Variants in KLHDC10 observed in about 807,000 individuals in gnomAD.
The protein encoded by KLHDC10 is kelch domain containing 10.
Under a neutral mutation model 56.1 loss-of-function variants are expected in KLHDC10, and 24 were observed. The observed-to-expected ratio is 0.43, with a 90% CI of 0.31 to 0.60. KLHDC10 has a LOEUF of 0.60. Among genes scored for constraint, KLHDC10 ranks in the 20% least tolerant of loss-of-function variants. The pLI is 0.11. For missense variants in KLHDC10, 349 were observed against 567.0 expected, an observed-to-expected ratio of 0.62 and a Z score of 3.91; for synonymous variants, 188 against 207.1, an observed-to-expected ratio of 0.91 and a Z score of 0.79.
intron 1 of KLHDC10, among the ~76,000 whole-genome samples, chr7:130,080,013 T>G: frequency 6.6e-6 from 1 of 151,654 alleles, no homozygotes; most frequent in Non-Finnish European, 1.5e-5. Context: ...GCAATCATAG[T>G]TCACTGCAGC....
At chr7:130,114,553 G>A (rs1253508259) in intron 2 of KLHDC10, among the ~76,000 whole-genome samples, 2 of 152,102 alleles carry the variant, frequency 1.3e-5, no homozygotes, top group Non-Finnish European at 2.9e-5. Flanking sequence ...ACATTTATAG[G>A]AGCTCTTATT....
chr7:130,070,602 C>T lies in KLHDC10; in HGVS notation c.-42C>T, dbSNP rs1795391006. The T allele has an allele frequency of 2.3e-6, 3 of 1,296,294 alleles. No individual in the cohort carries two copies. The highest frequency in any genetic ancestry group is 3.6e-5 in the Admixed American group (1 of 27,564). 80.3% of individuals were successfully genotyped at this position (1,296,294 alleles called of 1,614,324 possible). On this transcript the variant is annotated 5_prime_UTR_variant, in exon 1 of 10. Coordinates refer to ENST00000335420, the MANE Select transcript of KLHDC10 (RefSeq NM_014997.4). The stretch of plus-strand genomic sequence containing the variant: ...GGAGGCTCCGCTGGTTCCGCTGGGT[C>T]AGGCGCTGACGGGACCGGGCTGCGG...
At chr7:130,110,140 G>A (rs1343800016) in intron 2 of KLHDC10, among the ~76,000 whole-genome samples, 1 of 152,116 alleles carries the variant, frequency 6.6e-6, no homozygotes, top group Non-Finnish European at 1.5e-5. Flanking sequence ...GTTACATTCA[G>A]CTTATATATT....
intron 8 of KLHDC10, among the ~76,000 whole-genome samples, chr7:130,128,889 A>AAAATATAT: frequency 1.5e-3 from 99 of 66,936 alleles, no homozygotes; most frequent in Non-Finnish European, 1.8e-3. Flanking sequence ...AAAAAAAAAA[A>AAAATATAT]ATATATATAT....
chr7:130,111,352 T>C (rs1158837809), intron 2 of KLHDC10, among the ~76,000 whole-genome samples: 1 of 152,176 alleles, frequency 6.6e-6, no homozygotes, highest in Non-Finnish European at 1.5e-5. Context: ...CACCTCTGTA[T>C]GTTAATAGAT....
intron 2 of KLHDC10, among the ~76,000 whole-genome samples, chr7:130,109,790 C>T (rs559436703): frequency 1.3e-5 from 2 of 152,116 alleles, no homozygotes; most frequent in African/African-American, 4.8e-5. Flanking sequence ...AGGTGCCCAC[C>T]ACCACGCGTG....
chr7:130,075,836 G>T (rs1795490409), intron 1 of KLHDC10, among the ~76,000 whole-genome samples: 1 of 152,100 alleles, frequency 6.6e-6, no homozygotes, highest in African/African-American at 2.4e-5. Flanking sequence ...TATTTAAATT[G>T]TCAGTTTAAT....
chr7:130,091,831 T>TA (rs1563099233), intron 1 of KLHDC10, among the ~76,000 whole-genome samples: 3 of 152,172 alleles, frequency 2.0e-5, no homozygotes, highest in African/African-American at 7.2e-5. Flanking sequence ...ATTAATTTTT[T>TA]AAAAAAACAA....
intron 1 of KLHDC10, among the ~76,000 whole-genome samples, chr7:130,072,067 A>G (rs1795421638): frequency 6.6e-6 from 1 of 152,178 alleles, no homozygotes; most frequent in Non-Finnish European, 1.5e-5. Flanking sequence ...CAGACTGGGC[A>G]TCCTAGAATT....
intron 1 of KLHDC10, among the ~76,000 whole-genome samples, chr7:130,085,912 T>A (rs12056253): frequency 1.3e-5 from 2 of 151,762 alleles, no homozygotes; most frequent in East Asian, 3.9e-4. Flanking sequence ...AGTACAGTAC[T>A]ATAAGTAATC....
intron 2 of KLHDC10, among the ~76,000 whole-genome samples, chr7:130,111,243 T>G (rs1796096091): frequency 6.6e-6 from 1 of 152,114 alleles, no homozygotes; most frequent in Non-Finnish European, 1.5e-5. Flanking sequence ...CATGAAATTA[T>G]TCGAAACAAA....
At chr7:130,102,024 C>T (rs1795938066) in intron 2 of KLHDC10, among the ~76,000 whole-genome samples, 1 of 149,614 alleles carries the variant, frequency 6.7e-6, no homozygotes, top group Admixed American at 6.7e-5. Flanking sequence ...AAAGCAGAGC[C>T]TTAGCGAATG....
At chr7:130,114,317 T>A (rs1796139818) in intron 2 of KLHDC10, among the ~76,000 whole-genome samples, 1 of 152,232 alleles carries the variant, frequency 6.6e-6, no homozygotes, top group Non-Finnish European at 1.5e-5. Flanking sequence ...TGCCCGAGGC[T>A]TGGTTATAGA....
intron 2 of KLHDC10, among the ~76,000 whole-genome samples, chr7:130,098,098 G>A (rs1795876081): frequency 6.7e-6 from 1 of 149,334 alleles, no homozygotes; most frequent in African/African-American, 2.5e-5. Context: ...ACCTATTTTT[G>A]TCACCTGAGC....
rs1796150356 is a variant in KLHDC10 at position 130,115,150 on chromosome 7, T to C, written c.254-1295T>C. 1.3e-5 allele frequency among the ~76,000 whole-genome samples: 2 copies of C among 152,202 alleles called. 1 individual carries two copies. Among genetic ancestry groups the C allele is most frequent in the South Asian group, 4.1e-4 (2 of 4,838 alleles). On this transcript the variant is annotated intron_variant, in intron 2 of 9. Coordinates refer to ENST00000335420, the MANE Select transcript of KLHDC10 (RefSeq NM_014997.4). Reference sequence around the variant, plus strand: ...AGGCCTGTATTAGGTTGGTAATAAATGTATAACATGTTTATTAGGTGTCTA... The same window carrying C: ...AGGCCTGTATTAGGTTGGTAATAAACGTATAACATGTTTATTAGGTGTCTA...
rs922672858 is a variant in KLHDC10 at position 130,134,713 on chromosome 7, A to G, written c.*3967A>G. On this transcript the variant is annotated 3_prime_UTR_variant, in exon 10 of 10. Transcript: ENST00000335420. ...CTACCTGCCAGCATTCTGATATAGC[A>G]CAAAAAGCTATTTTCCTTTATTTTT... The G allele has an allele frequency of 3.3e-5, 5 of 152,118 alleles. No individual in the cohort carries two copies. The highest frequency in any genetic ancestry group is 1.2e-4 in the African/African-American group (5 of 41,422). The allele number at this position is 152,118 out of a possible 1,614,324, so 9.4% of individuals were successfully genotyped here. A position where few individuals can be genotyped will look rare whatever the true frequency, so the allele number is the denominator to read the frequency against.
intron 1 of KLHDC10, among the ~76,000 whole-genome samples, chr7:130,083,362 C>T (rs1204865179): frequency 6.6e-6 from 1 of 152,112 alleles, no homozygotes; most frequent in Non-Finnish European, 1.5e-5. Flanking sequence ...CTATTTGTCC[C>T]TTTCTACCTC....
intron 2 of KLHDC10, among the ~76,000 whole-genome samples, chr7:130,104,392 AT>A (rs1795980122): frequency 6.6e-6 from 1 of 152,226 alleles, no homozygotes; most frequent in Non-Finnish European, 1.5e-5. Flanking sequence ...CAGGTGTAGT[AT>A]TATCTACTTA....
Position 130,130,159 on chromosome 7 carries a change from T to C in KLHDC10, c.1120-378T>C, listed in dbSNP as rs1364521784. On this transcript the variant is annotated intron_variant, in intron 9 of 9. Coordinates refer to ENST00000335420, the MANE Select transcript of KLHDC10 (RefSeq NM_014997.4). The surrounding 1 kb of genome is among the most constrained non-coding windows in gnomAD (Gnocchi z 4.2). ...GATGAAACCCCATCTCTACTAAAAA[T>C]ACAAAAAAAAATTAGCCGGACGTGG... Among the ~76,000 whole-genome samples the C allele has an allele frequency of 6.6e-6, 1 of 151,110 alleles. No individual in the cohort carries two copies. The highest frequency in any genetic ancestry group is 2.4e-5 in the African/African-American group (1 of 41,112).
Sources: allele counts gnomAD v4.1 joint callset (sites outside exome capture counted in the v4.1 genomes callset), GRCh38; gene constraint gnomAD v4.1.1; non-coding constraint Gnocchi (gnomAD v3.1); transcripts MANE v1.5; gene names NCBI Gene and HGNC (gene_info 2026-07-23, HGNC 2026-07-21).